The following OR4K1 variants were observed in gnomAD, a reference collection of about 807,000 sequenced individuals.
The protein encoded by OR4K1 is olfactory receptor 4K1.
A neutral mutation model predicts 14.4 loss-of-function variants in OR4K1; 16 were observed. That is an observed-to-expected ratio of 1.11 (90% CI 0.75 to 1.68). The LOEUF is 1.68. OR4K1 is among the 40% of genes most tolerant of loss of function. OR4K1 has a pLI of 0.00. For synonymous variants in OR4K1, 181 were observed against 133.1 expected (o/e 1.36, Z -2.48); for missense variants, 548 against 376.9 (o/e 1.45, Z -3.76).
At chr14:19,928,551 T>A (rs1400420703), upstream of OR4K1, among the ~76,000 whole-genome samples, 5 of 152,304 alleles carry the variant, frequency 3.3e-5, no homozygotes, top group South Asian at 6.2e-4. Context: ...TATTTTACAT[T>A]TCTCTAAATA....
the OR4K1 span, chr14:19,920,508 A>G: frequency 3.5e-6 from 5 of 1,426,780 alleles, no homozygotes; most frequent in African/African-American, 7.2e-5. Context: ...CTGAGATCTC[A>G]GAATCCCTCA....
Position 19,936,101 on chromosome 14 carries a change from G to A in OR4K1, c.435G>A (p.Val145=), listed in dbSNP as rs748573614. 2 of 1,614,118 alleles carry A rather than the reference G, an allele frequency of 1.2e-6. No homozygotes were observed. Among genetic ancestry groups the A allele is most frequent in the African/African-American group, 2.7e-5 (2 of 74,930 alleles). ...IMNRRLCVIF[V]SISWAVGVLH... ...ACCGGAGGCTCTGTGTAATTTTTGT[G>A]TCTATTTCCTGGGCGGTGGGCGTTC... Residue 145 remains valine (V), a synonymous_variant, in exon 2 of 2, where the codon GTG becomes GTA. Coordinates refer to ENST00000641172, the MANE Select transcript of OR4K1 (RefSeq NM_001004063.3).
At chr14:19,921,236 T>C in the OR4K1 span, 1 of 1,614,210 alleles carries the variant, frequency 6.2e-7, no homozygotes, top group Non-Finnish European at 8.5e-7. Context: ...CCCTAAGCAC[T>C]TTCTCTCTCT....
chr14:19,932,305 T>C (rs766861895), intron 1 of OR4K1, among the ~76,000 whole-genome samples: 1 of 151,992 alleles, frequency 6.6e-6, no homozygotes, highest in Non-Finnish European at 1.5e-5. Context: ...TCTTTCTTCT[T>C]CCTTCTCCTT....
At chr14:19,930,600 T>C (rs2138589686), upstream of OR4K1, among the ~76,000 whole-genome samples, 1 of 152,336 alleles carries the variant, frequency 6.6e-6, no homozygotes, top group South Asian at 2.1e-4. Flanking sequence ...ATTTTTAAGA[T>C]TGTGTGATTG....
the OR4K1 span, among the ~76,000 whole-genome samples, chr14:19,920,388 T>C: frequency 2.6e-5 from 4 of 152,224 alleles, no homozygotes; most frequent in African/African-American, 9.6e-5. Context: ...CTGATTAAAT[T>C]ATTAAGCATT....
chr14:19,920,441 C>A, the OR4K1 span: 1 of 729,632 alleles, frequency 1.4e-6, no homozygotes, highest in Non-Finnish European at 2.2e-6. Context: ...TCCACCTATC[C>A]AGACATACTA....
the OR4K1 span, among the ~76,000 whole-genome samples, chr14:19,922,186 G>T: frequency 6.6e-6 from 1 of 152,128 alleles, no homozygotes; most frequent in African/African-American, 2.4e-5. Context: ...CATTTAAAGG[G>T]CTGCCTCTGA....
At chr14:19,923,547 T>C in the OR4K1 span, among the ~76,000 whole-genome samples, 2 of 152,332 alleles carry the variant, frequency 1.3e-5, no homozygotes, top group Admixed American at 1.3e-4. Context: ...TTATAGAGAA[T>C]GACATCTTTT....
the OR4K1 span, among the ~76,000 whole-genome samples, chr14:19,925,343 T>C: frequency 1.4e-4 from 21 of 152,320 alleles, no homozygotes; most frequent in East Asian, 4.0e-3. Context: ...TTTCAGCTAT[T>C]TCTCTCAGAA....
the OR4K1 span, chr14:19,920,527 G>A: frequency 8.7e-6 from 13 of 1,486,988 alleles, no homozygotes; most frequent in South Asian, 1.4e-5. Flanking sequence ...CACCTTAAAA[G>A]TATTCTTAAT....
chr14:19,924,121 C>T, the OR4K1 span, among the ~76,000 whole-genome samples: 2 of 152,270 alleles, frequency 1.3e-5, no homozygotes, highest in Admixed American at 1.3e-4. Context: ...AATGATAGGG[C>T]TGGGTGCGGT....
At chr14:19,934,675 A>ATTT (rs34941850) in intron 1 of OR4K1, among the ~76,000 whole-genome samples, 2 of 147,726 alleles carry the variant, frequency 1.4e-5, no homozygotes, top group East Asian at 3.9e-4. Flanking sequence ...TTCTTTTAAC[A>ATTT]TTTTTTTTTT....
intron 1 of OR4K1, among the ~76,000 whole-genome samples, chr14:19,932,940 T>A (rs1275195040): frequency 6.6e-6 from 1 of 150,800 alleles, no homozygotes. Context: ...GAAAATGTGC[T>A]TTATATAAAA....
the OR4K1 span, among the ~76,000 whole-genome samples, chr14:19,924,939 A>C: frequency 1.3e-5 from 2 of 152,218 alleles, no homozygotes; most frequent in African/African-American, 4.8e-5. Flanking sequence ...ATCCCACCTT[A>C]AATTTTGTTT....
upstream of OR4K1, among the ~76,000 whole-genome samples, chr14:19,927,634 G>T (rs118130685): frequency 0.047 from 7,128 of 150,218 alleles, 5 homozygotes; most frequent in Non-Finnish European, 0.06. Context: ...TGCTTGGTCT[G>T]TTGGCAGAAG....
chr14:19,933,248 T>C (rs1882226206), intron 1 of OR4K1, among the ~76,000 whole-genome samples: 1 of 152,000 alleles, frequency 6.6e-6, no homozygotes, highest in East Asian at 1.9e-4. Context: ...TTTTGCTTAA[T>C]AACCTATGAA....
At chr14:19,920,711 T>C in the OR4K1 span, 44 of 1,614,058 alleles carry the variant, frequency 2.7e-5, no homozygotes, top group Non-Finnish European at 3.5e-5. Flanking sequence ...CTGTGTTGTA[T>C]ACAGTCATTG....
At chr14:19,925,250 G>C in the OR4K1 span, among the ~76,000 whole-genome samples, 1 of 152,110 alleles carries the variant, frequency 6.6e-6, no homozygotes, top group Non-Finnish European at 1.5e-5. Flanking sequence ...ACTGGGATTT[G>C]AACATTGATT....
Sources: gnomAD v4.1 joint callset for allele counts (sites outside exome capture counted in the v4.1 genomes callset) on GRCh38, gnomAD v4.1.1 for gene constraint, MANE v1.5 for transcripts, NCBI Gene and HGNC (gene_info 2026-07-23, HGNC 2026-07-21) for gene names.